The following AFAP1L2 variants were observed in gnomAD, a reference collection of about 807,000 sequenced individuals.
AFAP1L2 encodes actin filament-associated protein 1-like 2.
Under a neutral mutation model 99.3 loss-of-function variants are expected in AFAP1L2, and 46 were observed. That is an observed-to-expected ratio of 0.46 (90% CI 0.37 to 0.59). The LOEUF (loss-of-function observed/expected upper bound fraction) is 0.59, where lower values mean the gene tolerates loss of function less well. Ranked by LOEUF, AFAP1L2 falls within the 20% of genes least tolerant of loss-of-function variation. AFAP1L2 has a pLI of 0.00. For synonymous variants in AFAP1L2, 397 were observed against 419.1 expected (o/e 0.95, Z 0.64); for missense variants, 959 against 1,034.9 (o/e 0.93, Z 1.01).
chr10:114,284,718 C>A, the AFAP1L2 span: 1 of 734,202 alleles, frequency 1.4e-6, no homozygotes, highest in Non-Finnish European at 2.2e-6. Context: ...CCCCTCTCTG[C>A]TGCAGATTTC....
intron 15 of AFAP1L2, 79 bp downstream of exon 15, chr10:114,300,115 C>T (rs909956071): frequency 2.5e-5 from 39 of 1,590,614 alleles, no homozygotes; most frequent in Non-Finnish European, 3.2e-5. Flanking sequence ...ATATATACAT[C>T]TATCCTATTA....
downstream of AFAP1L2, chr10:114,291,332 T>G (rs1466225514): frequency 1.1e-5 from 16 of 1,400,386 alleles, no homozygotes; most frequent in Non-Finnish European, 1.9e-6. Context: ...CCTTCTGGAA[T>G]GTCTGTGCCC....
chr10:114,282,017 C>CTTTTTT, the AFAP1L2 span, among the ~76,000 whole-genome samples: 4 of 119,662 alleles, frequency 3.3e-5, no homozygotes, highest in Admixed American at 1.8e-4. Context: ...CTTATGTTAC[C>CTTTTTT]TTTTTTTTTT....
chr10:114,292,437 T>TA (rs1335942710), downstream of AFAP1L2, among the ~76,000 whole-genome samples: 2 of 152,084 alleles, frequency 1.3e-5, no homozygotes, highest in Middle Eastern at 3.2e-3. Flanking sequence ...GCATTGATCT[T>TA]ACGCTGTCTA....
At chr10:114,404,678 G>C, upstream of AFAP1L2, 1 of 497,574 alleles carries the variant, frequency 2.0e-6, no homozygotes, top group South Asian at 8.3e-5. Flanking sequence ...GGAGAACTCC[G>C]GCCCGCCGAG....
intron 4 of AFAP1L2, among the ~76,000 whole-genome samples, chr10:114,328,506 G>C (rs2046752478): frequency 6.6e-6 from 1 of 152,174 alleles, no homozygotes; most frequent in African/African-American, 2.4e-5. Context: ...GGCACTCCAG[G>C]CTCAGGGTTC....
At chr10:114,339,339 CG>C (rs1487183567) in intron 2 of AFAP1L2, among the ~76,000 whole-genome samples, 1 of 152,014 alleles carries the variant, frequency 6.6e-6, no homozygotes, top group Non-Finnish European at 1.5e-5. Flanking sequence ...CCCAGCTACT[CG>C]GGAGGCTGAG....
intron 2 of AFAP1L2, among the ~76,000 whole-genome samples, chr10:114,333,508 C>A (rs997902932): frequency 6.6e-6 from 1 of 152,140 alleles, no homozygotes; most frequent in African/African-American, 2.4e-5. Flanking sequence ...AGTTTTCTAG[C>A]CTGACCGAGG....
the AFAP1L2 span, chr10:114,281,847 A>G: frequency 1.4e-6 from 1 of 727,598 alleles, no homozygotes; most frequent in African/African-American, 1.9e-5. Context: ...GGAGGAAAGT[A>G]ACATGTCTGT....
At chr10:114,353,757 T>C (rs2050893193) in intron 1 of AFAP1L2, among the ~76,000 whole-genome samples, 2 of 152,042 alleles carry the variant, frequency 1.3e-5, no homozygotes, top group Non-Finnish European at 2.9e-5. Flanking sequence ...TTGAGAAGCC[T>C]GGGATATAAT....
At chr10:114,314,504 T>C (rs1192223329) in intron 6 of AFAP1L2, among the ~76,000 whole-genome samples, 2 of 152,224 alleles carry the variant, frequency 1.3e-5, no homozygotes, top group Non-Finnish European at 2.9e-5. Flanking sequence ...AGGAAGATGA[T>C]GTATTAACAA....
At chr10:114,289,366 G>T in the AFAP1L2 span, 1 of 1,614,254 alleles carries the variant, frequency 6.2e-7, no homozygotes, top group Non-Finnish European at 8.5e-7. Context: ...GGTCGTGGGC[G>T]TGGGGCCTGT....
In AFAP1L2 at chr10:114,304,796, C is replaced by T; in HGVS notation, c.1207G>A (p.Val403Met). The T allele has an allele frequency of 6.2e-7, 1 of 1,613,172 alleles. No homozygotes were observed. The change falls in exon 11 of 19, where the codon GTG becomes ATG. Residue 403 changes from valine to methionine, a missense_variant. This residue lies in a region of AFAP1L2 where 576 missense variants were observed against 562.1 expected (regional missense o/e 1.02). Transcript: ENST00000304129. ...QQPLSLVGCE[V>M]VPDPSPDHLY... ...TGGTCGGGGCTGGGGTCTGGGACCA[C>T]CTCGCAGCCCACCAGGCTGAGGGGT...
At chr10:114,328,457 G>A (rs1043690830) in intron 4 of AFAP1L2, among the ~76,000 whole-genome samples, 2 of 152,206 alleles carry the variant, frequency 1.3e-5, no homozygotes, top group African/African-American at 4.8e-5. Flanking sequence ...GATCAAGGGA[G>A]GAAGGGCGGG....
At chr10:114,328,930 G>A (rs562355427) in intron 4 of AFAP1L2, among the ~76,000 whole-genome samples, 3 of 152,194 alleles carry the variant, frequency 2.0e-5, no homozygotes, top group Non-Finnish European at 2.9e-5. Context: ...GACCAGGTGG[G>A]ACCTAGCCAG....
intron 16 of AFAP1L2, among the ~76,000 whole-genome samples, chr10:114,298,359 C>T (rs1223605999): frequency 6.6e-6 from 1 of 152,198 alleles, no homozygotes; most frequent in African/African-American, 2.4e-5. Flanking sequence ...GCCTGGGCAA[C>T]AGAGCAAGAC....
intron 1 of AFAP1L2, among the ~76,000 whole-genome samples, chr10:114,379,624 A>G (rs1017713985): frequency 3.3e-5 from 5 of 152,226 alleles, no homozygotes; most frequent in African/African-American, 1.2e-4. Context: ...TGAAATATTA[A>G]GACAACTTGG....
the AFAP1L2 span, among the ~76,000 whole-genome samples, chr10:114,287,937 T>C: frequency 6.6e-6 from 1 of 152,200 alleles, no homozygotes; most frequent in Admixed American, 6.5e-5. Flanking sequence ...ACAGTACATG[T>C]AGTCAGCCGC....
intron 4 of AFAP1L2, among the ~76,000 whole-genome samples, chr10:114,324,650 G>A (rs1277898105): frequency 6.6e-6 from 1 of 152,242 alleles, no homozygotes; most frequent in East Asian, 1.9e-4. Flanking sequence ...TTGATTTTGA[G>A]AAGTCCTTGT....
Sources: gnomAD v4.1 joint callset for allele counts (sites outside exome capture counted in the v4.1 genomes callset) on GRCh38, gnomAD v4.1.1 for gene constraint, gnomAD v4.1.1 regional missense constraint, MANE v1.5 for transcripts, NCBI Gene and HGNC (gene_info 2026-07-23, HGNC 2026-07-21) for gene names.